The following DENND1A variants were observed in gnomAD, a reference collection of about 807,000 sequenced individuals.
DENND1A encodes the protein DENN domain containing 1A.
Under a neutral mutation model 113.7 loss-of-function variants are expected in DENND1A, and 51 were observed. The observed-to-expected ratio is 0.45, with a 90% CI of 0.36 to 0.57. The LOEUF is 0.57. DENND1A is among the 20% of genes least tolerant of loss of function. The probability of loss-of-function intolerance (pLI) is 0.00; values close to 1 mark genes in which losing one functional copy is unlikely to be tolerated. For synonymous variants in DENND1A, 565 were observed against 570.8 expected, an observed-to-expected ratio of 0.99 and a Z score of 0.14; for missense variants, 1,258 against 1,395.9, an observed-to-expected ratio of 0.90 and a Z score of 1.57.
intron 5 of DENND1A, among the ~76,000 whole-genome samples, chr9:123,732,742 T>C (rs1176760021): frequency 6.6e-6 from 1 of 152,216 alleles, no homozygotes; most frequent in African/African-American, 2.4e-5. Flanking sequence ...TTGCAACTCT[T>C]GTAATACACT....
chr9:123,652,408 G>C (rs2062708182), intron 8 of DENND1A: 1 of 283,518 alleles, frequency 3.5e-6, no homozygotes, highest in African/African-American at 2.2e-5. Context: ...AAGGTGAGCA[G>C]AACAGGAATT....
At chr9:123,612,803 G>A (rs1307395929) in intron 10 of DENND1A, among the ~76,000 whole-genome samples, 1 of 152,146 alleles carries the variant, frequency 6.6e-6, no homozygotes, top group East Asian at 1.9e-4. Context: ...TCCTAGCAAA[G>A]CATTCTCCAA....
intron 22 of DENND1A, among the ~76,000 whole-genome samples, chr9:123,386,943 A>C (rs905267481): frequency 6.6e-6 from 1 of 152,238 alleles, no homozygotes; most frequent in African/African-American, 2.4e-5. Context: ...TCTTCTGTGC[A>C]ATGACCAAAA....
In DENND1A at chr9:123,595,390, C is replaced by T. The variant is rs867877978; in HGVS notation, c.766-12120G>A. On this transcript the variant is annotated intron_variant, in intron 11 of 23. Transcript: ENST00000394215. ...TCATTTGGTACATCACGTATGGAGC[C>T]GTCATTCATGTCAACTTTACGCTAG... is the stretch of plus-strand genomic sequence containing the variant. Among the ~76,000 whole-genome samples the T allele has an allele frequency of 4.6e-5, 7 of 152,126 alleles. No individual in the cohort carries two copies. The East Asian group carries it at 1.2e-3, about 25-fold the overall frequency.
At chr9:123,537,669 G>A (rs921244986) in intron 13 of DENND1A, among the ~76,000 whole-genome samples, 1 of 148,040 alleles carries the variant, frequency 6.8e-6, no homozygotes, top group Admixed American at 6.7e-5. Context: ...TGGGCATGTA[G>A]TTAAAAAAAA....
At chr9:123,830,791 G>C (rs10986115) in intron 2 of DENND1A, among the ~76,000 whole-genome samples, 1 of 147,618 alleles carries the variant, frequency 6.8e-6, no homozygotes, top group Admixed American at 6.8e-5. Flanking sequence ...ACTTGAACCC[G>C]GGAGGCAGAG....
rs112032090 is a variant in DENND1A at position 123,489,006 on chromosome 9, G to T, written c.994-31109C>A. Among the ~76,000 whole-genome samples, 496 of 152,278 alleles carry T rather than the reference G, an allele frequency of 3.3e-3. 1 individual carries two copies. Among genetic ancestry groups the T allele is most frequent in the African/African-American group, 0.011 (463 of 41,552 alleles). ...CTATAGCGAAGGCTTCAAAGGTAGAGAAGCGAATAAAGATTTCCCCTCTGC... is the reference window on the plus strand; with the variant it reads ...CTATAGCGAAGGCTTCAAAGGTAGATAAGCGAATAAAGATTTCCCCTCTGC... On this transcript the variant is annotated intron_variant, in intron 13 of 23. Transcript: ENST00000394215.
At chr9:123,712,873 C>G (rs1173431074) in intron 5 of DENND1A, among the ~76,000 whole-genome samples, 1 of 152,208 alleles carries the variant, frequency 6.6e-6, no homozygotes, top group Admixed American at 6.5e-5. Flanking sequence ...TTTAATCTGG[C>G]AGAAAGTTCT....
At chr9:123,882,322 CAAAAAA>C (rs59820553) in intron 1 of DENND1A, among the ~76,000 whole-genome samples, 4 of 124,396 alleles carry the variant, frequency 3.2e-5, no homozygotes, top group African/African-American at 8.3e-5. Context: ...AACCTTGTTT[CAAAAAA>C]AAAAAAAAAA....
intron 2 of DENND1A, among the ~76,000 whole-genome samples, chr9:123,869,272 A>T (rs771452954): frequency 6.6e-6 from 1 of 152,184 alleles, no homozygotes; most frequent in Non-Finnish European, 1.5e-5. Context: ...CTAGCTACCA[A>T]AGCATACAAG....
chr9:123,687,161 T>C (rs988464008), intron 5 of DENND1A, among the ~76,000 whole-genome samples: 1 of 151,972 alleles, frequency 6.6e-6, no homozygotes, highest in Non-Finnish European at 1.5e-5. Context: ...AAGTAGGATA[T>C]GAATGAAGCT....
At chr9:123,853,831 T>C (rs1440999886) in intron 2 of DENND1A, among the ~76,000 whole-genome samples, 1 of 152,190 alleles carries the variant, frequency 6.6e-6, no homozygotes, top group Non-Finnish European at 1.5e-5. Flanking sequence ...CATCTTTCTA[T>C]CTTGAGATGC....
chr9:123,629,570 T>C (rs1243074693), intron 10 of DENND1A, among the ~76,000 whole-genome samples: 1 of 152,262 alleles, frequency 6.6e-6, no homozygotes, highest in Non-Finnish European at 1.5e-5. Context: ...TGTATGATTA[T>C]GTATTGAACA....
intron 2 of DENND1A, among the ~76,000 whole-genome samples, chr9:123,855,295 G>A (rs991117543): frequency 6.6e-6 from 1 of 151,030 alleles, no homozygotes; most frequent in Admixed American, 6.6e-5. Flanking sequence ...AAGAGGGAGG[G>A]TATCTAACCA....
At chr9:123,679,340 G>T (rs1055809656) in intron 5 of DENND1A, among the ~76,000 whole-genome samples, 7 of 152,150 alleles carry the variant, frequency 4.6e-5, no homozygotes, top group African/African-American at 1.7e-4. Flanking sequence ...GATGAAGGAG[G>T]TGACGTGGGA....
chr9:123,485,656 G>GCGCACGCACACACACA (rs765633751), intron 13 of DENND1A: 1 of 141,156 alleles, frequency 7.1e-6, no homozygotes, highest in African/African-American at 2.9e-5. Flanking sequence ...GCGCGCGCGC[G>GCGCACGCACACACACA]CACACACACA....
chr9:123,808,509 T>C (rs1197259546), intron 2 of DENND1A, among the ~76,000 whole-genome samples: 2 of 151,862 alleles, frequency 1.3e-5, no homozygotes, highest in Admixed American at 6.6e-5. Context: ...GCCTCCCAAG[T>C]AGCTGGACCT....
intron 1 of DENND1A, among the ~76,000 whole-genome samples, chr9:123,892,827 C>G (rs1850124108): frequency 6.6e-6 from 1 of 152,042 alleles, no homozygotes; most frequent in African/African-American, 2.4e-5. Flanking sequence ...ACTAAAAATA[C>G]AAAAATTAGC....
chr9:123,388,357 A>C (rs1445927139), intron 21 of DENND1A, among the ~76,000 whole-genome samples: 1 of 152,222 alleles, frequency 6.6e-6, no homozygotes, highest in African/African-American at 2.4e-5. Context: ...TTCATGGCTA[A>C]ACGTCAATAA....
Sources: allele counts gnomAD v4.1 joint callset (sites outside exome capture counted in the v4.1 genomes callset), GRCh38; gene constraint gnomAD v4.1.1; transcripts MANE v1.5; gene names NCBI Gene and HGNC (gene_info 2026-07-23, HGNC 2026-07-21).